The following ADGRL2 variants were observed in gnomAD, a reference collection of about 807,000 sequenced individuals.
ADGRL2 encodes the protein adhesion G protein-coupled receptor L2.
In ADGRL2, 44 loss-of-function variants were observed where a neutral mutation model predicts 157.4. That is an observed-to-expected ratio of 0.28 (90% CI 0.22 to 0.36). The LOEUF is 0.36. Ranked by LOEUF, ADGRL2 falls within the 10% of genes least tolerant of loss-of-function variation. The probability of loss-of-function intolerance (pLI) is 1.00; values close to 1 mark genes in which losing one functional copy is unlikely to be tolerated. For synonymous variants in ADGRL2, 585 were observed against 624.7 expected (o/e 0.94, Z 0.95); for missense variants, 1,510 against 1,768.9 (o/e 0.85, Z 2.63).
chr1:81,867,846 A>G (rs139986442), intron 2 of ADGRL2, among the ~76,000 whole-genome samples: 2 of 152,116 alleles, frequency 1.3e-5, no homozygotes, highest in East Asian at 3.9e-4. Flanking sequence ...TTTCTGTTCT[A>G]TTTTAGATTA....
chr1:81,479,437 C>T (rs11163304), intron 2 of ADGRL2, among the ~76,000 whole-genome samples: 146 of 151,984 alleles, frequency 9.6e-4, no homozygotes, highest in Admixed American at 2.2e-3. Flanking sequence ...GAGCCAAGAT[C>T]GCGCCATTGC....
chr1:81,564,931 T>C (rs1025888677), intron 2 of ADGRL2, among the ~76,000 whole-genome samples: 1 of 152,204 alleles, frequency 6.6e-6, no homozygotes, highest in Non-Finnish European at 1.5e-5. Flanking sequence ...AGAATGAACA[T>C]GCCAACCTCC....
At chr1:81,948,527 C>G (rs537051311) in intron 6 of ADGRL2, among the ~76,000 whole-genome samples, 2 of 152,184 alleles carry the variant, frequency 1.3e-5, no homozygotes, top group African/African-American at 4.8e-5. Flanking sequence ...TGATTCCCGA[C>G]TCCCCTTTAA....
intron 11 of ADGRL2, 88 bp from the exon 12 acceptor site, chr1:81,965,969 GT>G: frequency 7.7e-7 from 1 of 1,302,756 alleles, no homozygotes; most frequent in Non-Finnish European, 1.0e-6. Flanking sequence ...AAAGAAAACA[GT>G]AGTTTCCATA....
At chr1:81,933,487 T>A (rs1486065871) in intron 3 of ADGRL2, among the ~76,000 whole-genome samples, 1 of 152,202 alleles carries the variant, frequency 6.6e-6, no homozygotes, top group Non-Finnish European at 1.5e-5. Context: ...ACTTTTTCTT[T>A]CTTGGCTTAA....
intron 1 of ADGRL2, among the ~76,000 whole-genome samples, chr1:81,409,987 C>G (rs185029574): frequency 5.9e-5 from 9 of 152,266 alleles, no homozygotes; most frequent in African/African-American, 2.2e-4. Flanking sequence ...AAACTGGGAA[C>G]AGACCCAGAG....
chr1:81,703,315 A>T (rs2083632807), intron 1 of ADGRL2, among the ~76,000 whole-genome samples: 1 of 152,190 alleles, frequency 6.6e-6, no homozygotes, highest in Non-Finnish European at 1.5e-5. Context: ...GAAGGGAAGA[A>T]ATTAGTGGAG....
chr1:81,859,696 C>A (rs1453691904), intron 2 of ADGRL2, among the ~76,000 whole-genome samples: 1 of 152,040 alleles, frequency 6.6e-6, no homozygotes, highest in Non-Finnish European at 1.5e-5. Context: ...GCATGTGTCA[C>A]CGTGCTTGGC....
chr1:81,774,576 G>A (rs1455111239), intron 2 of ADGRL2, among the ~76,000 whole-genome samples: 1 of 152,134 alleles, frequency 6.6e-6, no homozygotes, highest in African/African-American at 2.4e-5. Flanking sequence ...ATGTTCACAA[G>A]TTGATCTTAT....
At chr1:81,987,597 G>T (rs561149816) in intron 22 of ADGRL2, among the ~76,000 whole-genome samples, 7 of 151,728 alleles carry the variant, frequency 4.6e-5, no homozygotes, top group Non-Finnish European at 7.4e-5. Flanking sequence ...GGGAAAGATT[G>T]TCACTAACCC....
intron 1 of ADGRL2, among the ~76,000 whole-genome samples, chr1:81,739,230 G>T (rs2084996217): frequency 6.6e-6 from 1 of 152,160 alleles, no homozygotes; most frequent in African/African-American, 2.4e-5. Flanking sequence ...CAAACTGCAG[G>T]GTTCTGCCTC....
intron 1 of ADGRL2, among the ~76,000 whole-genome samples, chr1:81,707,381 C>T (rs751787574): frequency 6.6e-6 from 1 of 152,050 alleles, no homozygotes; most frequent in African/African-American, 2.4e-5. Flanking sequence ...ACAGTCTATC[C>T]TCATAGGAGA....
intron 3 of ADGRL2, among the ~76,000 whole-genome samples, chr1:81,691,095 C>T (rs1004723149): frequency 6.6e-6 from 1 of 152,194 alleles, no homozygotes; most frequent in African/African-American, 2.4e-5. Context: ...GCACGAAAAT[C>T]GTACAGTCCT....
intron 1 of ADGRL2, among the ~76,000 whole-genome samples, chr1:81,366,703 A>C (rs1297152696): frequency 6.6e-6 from 1 of 152,180 alleles, no homozygotes; most frequent in African/African-American, 2.4e-5. Flanking sequence ...ATAGTATGAA[A>C]TGCCTCCATA....
intron 3 of ADGRL2, among the ~76,000 whole-genome samples, chr1:81,922,520 A>G (rs963031542): frequency 2.6e-5 from 4 of 152,222 alleles, no homozygotes; most frequent in Non-Finnish European, 4.4e-5. Context: ...AACAGTAAGG[A>G]GTTCAATCTT....
chr1:81,433,174 T>C (rs1040599560), intron 1 of ADGRL2, among the ~76,000 whole-genome samples: 2 of 152,210 alleles, frequency 1.3e-5, no homozygotes, highest in African/African-American at 4.8e-5. Flanking sequence ...AATTATTTGC[T>C]CTTAATTTAA....
intron 3 of ADGRL2, among the ~76,000 whole-genome samples, chr1:81,648,111 A>C (rs572056135): frequency 1.3e-5 from 2 of 152,320 alleles, no homozygotes; most frequent in Admixed American, 6.5e-5. Flanking sequence ...CCTTTTAAAT[A>C]GAGTCTGAAA....
intron 1 of ADGRL2, among the ~76,000 whole-genome samples, chr1:81,392,286 T>A (rs1306747236): frequency 2.0e-5 from 3 of 151,800 alleles, no homozygotes; most frequent in Non-Finnish European, 4.4e-5. Flanking sequence ...CCTGCCTGGA[T>A]GCCATGAATA....
intron 2 of ADGRL2, among the ~76,000 whole-genome samples, chr1:81,839,685 C>T (rs958201556): frequency 6.6e-6 from 1 of 151,066 alleles, no homozygotes; most frequent in East Asian, 1.9e-4. Flanking sequence ...CCAGTCTCAT[C>T]CAGGTCACTG....
Sources: gnomAD v4.1 joint callset for allele counts (sites outside exome capture counted in the v4.1 genomes callset) on GRCh38, gnomAD v4.1.1 for gene constraint, MANE v1.5 for transcripts, NCBI Gene and HGNC (gene_info 2026-07-23, HGNC 2026-07-21) for gene names.